Variants in GABBR2 observed in about 807,000 individuals in gnomAD.
GABBR2 encodes G-protein coupled receptor 51.
GABBR2 carries 23 observed loss-of-function variants against 105.6 expected under a neutral mutation model. That is an observed-to-expected ratio of 0.22 (90% CI 0.16 to 0.31). The LOEUF (loss-of-function observed/expected upper bound fraction) is 0.31, where lower values mean the gene tolerates loss of function less well. Among genes scored for constraint, GABBR2 ranks in the 10% least tolerant of loss-of-function variants. The probability of loss-of-function intolerance (pLI) is 1.00; values close to 1 mark genes in which losing one functional copy is unlikely to be tolerated. For synonymous variants in GABBR2, 478 were observed against 499.7 expected, an observed-to-expected ratio of 0.96 and a Z score of 0.58; for missense variants, 734 against 1,245.5, an observed-to-expected ratio of 0.59 and a Z score of 6.18.
chr9:98,663,038 G>A lies in GABBR2; in HGVS notation c.321+45379C>T, dbSNP rs562298895. ...TAAGGATGGGTTGATCATGATGAGA[G>A]GACCCTCCCATGATACAGAATATAA... On this transcript the variant is annotated intron_variant, in intron 1 of 18. Transcript: ENST00000259455. 1.1e-4 allele frequency among the ~76,000 whole-genome samples: 16 copies of A among 152,232 alleles called. No individual in the cohort carries two copies. In the South Asian group the frequency reaches 3.3e-3, roughly 32 times the overall value.
At chr9:98,565,358 G>C (rs1828737418) in intron 2 of GABBR2, among the ~76,000 whole-genome samples, 3 of 152,206 alleles carry the variant, frequency 2.0e-5, no homozygotes, top group Non-Finnish European at 4.4e-5. Context: ...GGGGAAACCA[G>C]GCCTTATGAG....
rs73494461 is a variant in GABBR2, at chr9:98,571,066, G to A, written c.459+6869C>T. Among the ~76,000 whole-genome samples the A allele has an allele frequency of 6.1e-3, 923 of 152,364 alleles. 9 individuals are homozygous for A. The highest frequency in any genetic ancestry group is 0.021 in the African/African-American group (882 of 41,590). On this transcript the variant is annotated intron_variant, in intron 2 of 18. Transcript: ENST00000259455. ...AACCTCAGGCAGCTGCAGGCCGGGG[G>A]TGGGCAGACATAGCAAACACCCTGG...
intron 1 of GABBR2, among the ~76,000 whole-genome samples, chr9:98,611,165 C>T (rs1829500306): frequency 6.6e-6 from 1 of 151,924 alleles, no homozygotes; most frequent in South Asian, 2.1e-4. Context: ...ATGGGCTCCT[C>T]AGCCCCCCGG....
chr9:98,438,443 G>C (rs1376336099), intron 7 of GABBR2, among the ~76,000 whole-genome samples: 1 of 152,160 alleles, frequency 6.6e-6, no homozygotes, highest in Non-Finnish European at 1.5e-5. Context: ...GATGATAAAA[G>C]TCTCTCTGAT....
chr9:98,488,625 C>G (rs1217375276), intron 4 of GABBR2, among the ~76,000 whole-genome samples: 2 of 143,448 alleles, frequency 1.4e-5, no homozygotes, highest in East Asian at 4.3e-4. Context: ...TTCTGTCATT[C>G]CCTAGCACTT....
At chr9:98,542,338 G>A (rs974750380) in intron 2 of GABBR2, among the ~76,000 whole-genome samples, 8 of 152,046 alleles carry the variant, frequency 5.3e-5, no homozygotes, top group Non-Finnish European at 8.8e-5. Flanking sequence ...TGCAGTGATT[G>A]AATTTTTTAA....
intron 2 of GABBR2, among the ~76,000 whole-genome samples, chr9:98,560,668 G>T (rs1379074701): frequency 1.3e-5 from 2 of 150,774 alleles, no homozygotes; most frequent in Admixed American, 1.3e-4. Flanking sequence ...TGAAACAATA[G>T]CATGAGGAAT....
At chr9:98,571,306 C>T (rs986503580) in intron 2 of GABBR2, among the ~76,000 whole-genome samples, 2 of 152,324 alleles carry the variant, frequency 1.3e-5, no homozygotes, top group Middle Eastern at 3.4e-3. Context: ...TGAGCTTCAT[C>T]CTAGCGGCAC....
At chr9:98,472,388 C>G (rs766547025) in intron 6 of GABBR2, among the ~76,000 whole-genome samples, 1 of 152,212 alleles carries the variant, frequency 6.6e-6, no homozygotes, top group Non-Finnish European at 1.5e-5. Context: ...ATTAGTAACA[C>G]TCCTCATGGA....
chr9:98,663,152 G>A (rs897281366), intron 1 of GABBR2, among the ~76,000 whole-genome samples: 5 of 151,108 alleles, frequency 3.3e-5, no homozygotes, highest in Non-Finnish European at 5.9e-5. Context: ...TGCCAGAACT[G>A]TCATCAAGAC....
intron 1 of GABBR2, among the ~76,000 whole-genome samples, chr9:98,585,201 C>G (rs746484931): frequency 6.6e-6 from 1 of 152,092 alleles, no homozygotes; most frequent in Non-Finnish European, 1.5e-5. Context: ...ATACTGTGCC[C>G]TCAGCACTAT....
chr9:98,464,423 G>A (rs1440795639), intron 6 of GABBR2, among the ~76,000 whole-genome samples: 2 of 143,648 alleles, frequency 1.4e-5, no homozygotes, highest in African/African-American at 2.6e-5. Flanking sequence ...AGTGAGGAGC[G>A]CCTCTGGCCG....
intron 13 of GABBR2, among the ~76,000 whole-genome samples, chr9:98,336,443 T>C (rs140831899): frequency 2.0e-5 from 3 of 152,344 alleles, no homozygotes; most frequent in African/African-American, 2.4e-5. Context: ...CAGTGGCTCA[T>C]GCCTATAATC....
At chr9:98,378,028 T>G (rs1831908309) in intron 11 of GABBR2, among the ~76,000 whole-genome samples, 1 of 152,184 alleles carries the variant, frequency 6.6e-6, no homozygotes, top group African/African-American at 2.4e-5. Context: ...CAAACCCACA[T>G]TATTACATTG....
chr9:98,396,186 T>C (rs928729837), intron 8 of GABBR2, among the ~76,000 whole-genome samples: 1 of 152,206 alleles, frequency 6.6e-6, no homozygotes, highest in African/African-American at 2.4e-5. Flanking sequence ...GCCTCGTGAA[T>C]GTGGGAAGCA....
chr9:98,597,249 C>T (rs1829251837), intron 1 of GABBR2, among the ~76,000 whole-genome samples: 1 of 152,156 alleles, frequency 6.6e-6, no homozygotes, highest in East Asian at 1.9e-4. Flanking sequence ...TTCTCCTGCA[C>T]AACAGAGCAT....
chr9:98,479,267 C>CA (rs1564085940), intron 5 of GABBR2, among the ~76,000 whole-genome samples: 2 of 152,080 alleles, frequency 1.3e-5, no homozygotes, highest in African/African-American at 4.8e-5. Context: ...TATAAACAAC[C>CA]AAAAAAAGAT....
intron 7 of GABBR2, among the ~76,000 whole-genome samples, chr9:98,448,136 G>A (rs1024539043): frequency 5.9e-5 from 9 of 152,028 alleles, no homozygotes; most frequent in South Asian, 4.2e-4. Context: ...GGCAGAGGAT[G>A]AAGGATGGCT....
At chr9:98,427,718 T>C (rs1435021748) in intron 7 of GABBR2, among the ~76,000 whole-genome samples, 5 of 141,206 alleles carry the variant, frequency 3.5e-5, no homozygotes. Flanking sequence ...CTCATGCTGG[T>C]GAAAGCCAGC....
Sources: allele counts gnomAD v4.1 joint callset (sites outside exome capture counted in the v4.1 genomes callset), GRCh38; gene constraint gnomAD v4.1.1; transcripts MANE v1.5; gene names NCBI Gene and HGNC (gene_info 2026-07-23, HGNC 2026-07-21).